NAA30: variants seen among roughly 807,000 people sequenced by gnomAD.
The protein encoded by NAA30 is N-alpha-acetyltransferase 30.
A neutral mutation model predicts 31.4 loss-of-function variants in NAA30; 5 were observed. The ratio of observed to expected loss-of-function variants is 0.16; its 90% CI spans 0.08 to 0.33. The LOEUF (loss-of-function observed/expected upper bound fraction) is 0.33. NAA30 is among the 10% of genes least tolerant of loss of function. The probability of loss-of-function intolerance (pLI) is 1.00; values close to 1 mark genes in which losing one functional copy is unlikely to be tolerated. For missense variants in NAA30, 428 were observed against 490.8 expected (o/e 0.87, Z 1.21); for synonymous variants, 222 against 207.1 (o/e 1.07, Z -0.62).
rs777683553 is a variant in NAA30 at position 57,390,938 on chromosome 14, C to T, written c.-1-19C>T. The T allele has an allele frequency of 1.9e-5, 28 of 1,463,076 alleles. No individual in the cohort carries two copies. The highest frequency in any genetic ancestry group is 2.4e-5 in the Non-Finnish European group (27 of 1,112,274). The allele number at this position is 1,463,076 out of a possible 1,614,324, so 90.6% of individuals were successfully genotyped here. ...GGCCGGGTTTCATGGCCTCCCCTCT[C>T]GGTCTGTGTCGCTTCTAGGATGGCG... On this transcript the variant is annotated intron_variant, in intron 1 of 4. Coordinates refer to ENST00000556492, the MANE Select transcript of NAA30 (RefSeq NM_001011713.3).
In NAA30 at chr14:57,413,317, TTTACA is replaced by T. The variant is rs1287195174; in HGVS notation, c.*3805_*3809del. ...TTACTTTTATCATGCATGCCAAATC[TTTACA>T]TTATTCTTTAGAGTAATACTGTAAA... On this transcript the variant is annotated 3_prime_UTR_variant, in exon 5 of 5. Coordinates refer to ENST00000556492, the MANE Select transcript of NAA30 (RefSeq NM_001011713.3). The T allele has an allele frequency of 6.6e-6, 1 of 152,220 alleles. No homozygotes were observed. The highest frequency in any genetic ancestry group is 2.4e-5 in the African/African-American group (1 of 41,464). The allele number at this position is 152,220 out of a possible 1,614,324, so 9.4% of individuals were successfully genotyped here.
At chr14:57,393,223 C>T (rs1224459923) in intron 2 of NAA30, among the ~76,000 whole-genome samples, 1 of 152,132 alleles carries the variant, frequency 6.6e-6, no homozygotes, top group East Asian at 1.9e-4. Flanking sequence ...CTGATAGTTA[C>T]CTAAGCCTCT....
At chr14:57,397,018 T>C in intron 3 of NAA30, 143 bp downstream of exon 3, 4 of 791,604 alleles carry the variant, frequency 5.1e-6, no homozygotes, top group Middle Eastern at 4.0e-4. Context: ...ATTTTTAATT[T>C]CAAAATGGTA....
intron 4 of NAA30, among the ~76,000 whole-genome samples, chr14:57,406,116 AAG>A (rs2066497213): frequency 6.6e-6 from 1 of 152,226 alleles, no homozygotes; most frequent in South Asian, 2.1e-4. Context: ...TTTCTAAAGA[AAG>A]AATCTCTTTG....
intron 1 of NAA30, 71 bp from the exon 2 acceptor site, chr14:57,390,886 C>T (rs1353742322): frequency 2.2e-5 from 32 of 1,425,836 alleles, no homozygotes; most frequent in Non-Finnish European, 2.8e-5. Context: ...GCCCCCCATC[C>T]GTCGCCCCCT....
rs150763315 is a variant in NAA30, at chr14:57,408,206, T to TC, written c.952-1166dup. ...CTTTGTTTAATTATACTTTGCCATTTCCCCCCCACCCACTCCAAACACTTG... is the reference window on the plus strand; with the variant it reads ...CTTTGTTTAATTATACTTTGCCATTTCCCCCCCCACCCACTCCAAACACTTG... On this transcript the variant is annotated intron_variant, in intron 4 of 4. Transcript: ENST00000556492. Among the ~76,000 whole-genome samples the TC allele has an allele frequency of 7.9e-3, 1,202 of 151,916 alleles. 15 individuals carry two copies. The highest frequency in any genetic ancestry group is 0.028 in the African/African-American group (1,146 of 41,426).
Position 57,403,206 on chromosome 14 carries a change from C to T in NAA30, c.951+3323C>T, listed in dbSNP as rs76361142. On this transcript the variant is annotated intron_variant, in intron 4 of 4. Transcript: ENST00000556492. The stretch of plus-strand genomic sequence containing the variant: ...AGAAAGAGATACATTTGGAAATCTC[C>T]GTGAAACCTTACTGTGCTCCGTGGC... Among the ~76,000 whole-genome samples the T allele has an allele frequency of 2.1e-3, 302 of 145,150 alleles. 1 individual carries two copies. Among genetic ancestry groups the T allele is most frequent in the African/African-American group, 6.9e-3 (271 of 39,562 alleles).
rs920440025 is a variant in NAA30, at chr14:57,396,841, A to G, written c.861A>G (p.Leu287=). Residue 287 remains leucine, a synonymous_variant, in exon 3 of 5, where the codon TTA becomes TTG. Transcript: ENST00000556492. ...KMFRRGYIAM[L]AVDSKYRRNG... The stretch of plus-strand genomic sequence containing the variant: ...TCCGCAGAGGTTATATAGCCATGTT[A>G]GCCGTGGATTCCAAATACAGGAGAA... The G allele has an allele frequency of 2.5e-6, 4 of 1,614,156 alleles. No homozygotes were observed. The highest frequency in any genetic ancestry group is 2.2e-5 in the East Asian group (1 of 44,876).
chr14:57,396,517 A>G (rs2066451085), intron 2 of NAA30, among the ~76,000 whole-genome samples: 1 of 152,090 alleles, frequency 6.6e-6, no homozygotes, highest in Non-Finnish European at 1.5e-5. Flanking sequence ...CTAGGCTTTA[A>G]TAGTAAGCAT....
At chr14:57,403,095 C>G (rs567344902) in intron 4 of NAA30, among the ~76,000 whole-genome samples, 2 of 152,122 alleles carry the variant, frequency 1.3e-5, no homozygotes, top group African/African-American at 4.8e-5. Flanking sequence ...GCAGGAGAAT[C>G]GCTTGAACCC....
intron 2 of NAA30, among the ~76,000 whole-genome samples, chr14:57,394,199 T>G (rs1363589759): frequency 1.3e-5 from 2 of 152,078 alleles, no homozygotes; most frequent in African/African-American, 4.8e-5. Context: ...CATAGTAACA[T>G]TTTCAGTTGT....
chr14:57,391,090 G>A lies in NAA30; in HGVS notation c.133G>A (p.Asp45Asn). ...LACCSEDEED[D>N]EEHEGGGSRS... is the part of the protein sequence containing the mutation. ...CTGCTGCAGCGAGGACGAGGAGGAC[G>A]ACGAAGAGCACGAAGGCGGCGGCAG... Residue 45 changes from aspartate (D) to asparagine (N), a missense_variant, in exon 2 of 5, where the codon GAC becomes AAC. This residue lies in a region of NAA30 where 349 missense variants were observed against 310.4 expected (regional missense o/e 1.12). Transcript: ENST00000556492. The surrounding 1 kb of genome is among the most constrained non-coding windows in gnomAD (Gnocchi z 4.1). The A allele has an allele frequency of 6.4e-7, 1 of 1,558,942 alleles. No homozygotes were observed.
intron 2 of NAA30, among the ~76,000 whole-genome samples, chr14:57,393,923 T>A (rs984113477): frequency 2.6e-5 from 4 of 152,140 alleles, no homozygotes; most frequent in Admixed American, 6.5e-5. Flanking sequence ...GTCACCAAGT[T>A]ATCTTCACCA....
rs138423251 is a variant in NAA30 at position 57,396,390 on chromosome 14, A to G, written c.772-362A>G. The stretch of plus-strand genomic sequence containing the variant: ...TTCTTTATAATCATTTTTTTTTTGC[A>G]TATTTCCCCTTCCAGAACCTTAGGT... On this transcript the variant is annotated intron_variant, in intron 2 of 4. Transcript: ENST00000556492. Among the ~76,000 whole-genome samples, 357 of 134,662 alleles carry G rather than the reference A, an allele frequency of 2.7e-3. 8 individuals carry two copies. In the East Asian group the frequency reaches 0.066, roughly 25 times the overall value. The allele number at this position is 134,662 out of a possible 152,430, so 88.3% of individuals were successfully genotyped here.
intron 2 of NAA30, among the ~76,000 whole-genome samples, chr14:57,393,456 A>G: frequency 6.6e-6 from 1 of 152,174 alleles, no homozygotes; most frequent in East Asian, 1.9e-4. Context: ...ACAATAATAA[A>G]ACAGTAAAAA....
chr14:57,390,664 A>AGGAAGAGGAGTGGCGGC lies in NAA30; in HGVS notation c.-42_-26dup. On this transcript the variant is annotated 5_prime_UTR_variant, in exon 1 of 5. Coordinates refer to ENST00000556492, the MANE Select transcript of NAA30 (RefSeq NM_001011713.3). ...GCGAAGGAGGCGGCGGCGGTGGCGG[A>AGGAAGAGGAGTGGCGGC]GGAAGAGGAGTGGCGGCAGCGGCGG... 1 of 347,656 alleles carries AGGAAGAGGAGTGGCGGC rather than the reference A, an allele frequency of 2.9e-6. No individual in the cohort carries two copies. The highest frequency in any genetic ancestry group is 5.2e-6 in the Non-Finnish European group (1 of 193,874). The allele number at this position is 347,656 out of a possible 1,614,324, so 21.5% of individuals were successfully genotyped here. A position where few individuals can be genotyped will look rare whatever the true frequency, so the allele number is the denominator to read the frequency against.
In NAA30 at chr14:57,390,944, G is replaced by A. The variant is rs577609359; in HGVS notation, c.-1-13G>A. ...GTTTCATGGCCTCCCCTCTCGGTCT[G>A]TGTCGCTTCTAGGATGGCGGAGGTA... is the stretch of plus-strand genomic sequence containing the variant. On this transcript the variant is annotated splice_polypyrimidine_tract_variant and intron_variant, in intron 1 of 4. Coordinates refer to ENST00000556492, the MANE Select transcript of NAA30 (RefSeq NM_001011713.3). The A allele has an allele frequency of 8.6e-5, 127 of 1,470,520 alleles. 1 individual carries two copies. The South Asian group carries it at 1.8e-3, about 21-fold the overall frequency. 91.1% of individuals were successfully genotyped at this position (1,470,520 alleles called of 1,614,324 possible). A position where few individuals can be genotyped will look rare whatever the true frequency, so the allele number is the denominator to read the frequency against.
At chr14:57,401,168 T>C (rs1566550079) in intron 4 of NAA30, among the ~76,000 whole-genome samples, 1 of 152,238 alleles carries the variant, frequency 6.6e-6, no homozygotes. Flanking sequence ...ATTGCTTTTT[T>C]CTTTTAACAA....
chr14:57,396,803 C>T lies in NAA30; in HGVS notation c.823C>T (p.His275Tyr). ...VGAIVCKLDM[H>Y]KKMFRRGYIA... ...TGCCATCGTTTGCAAGTTGGATATG[C>T]ACAAAAAGATGTTCCGCAGAGGTTA... Residue 275 changes from histidine to tyrosine, a missense_variant, in exon 3 of 5, where the codon CAC (histidine) becomes TAC (tyrosine). His to Tyr is a moderately conservative substitution (Grantham distance 83, BLOSUM62 2). This residue lies in a region of NAA30 where 79 missense variants were observed against 180.3 expected (regional missense o/e 0.44). Transcript: ENST00000556492. 1 of 1,613,794 alleles carries T rather than the reference C, an allele frequency of 6.2e-7. No individual in the cohort carries two copies. Among genetic ancestry groups the T allele is most frequent in the Non-Finnish European group, 8.5e-7 (1 of 1,179,794 alleles).
Sources: gnomAD v4.1 joint callset for allele counts (sites outside exome capture counted in the v4.1 genomes callset) on GRCh38, gnomAD v4.1.1 for gene constraint, gnomAD v4.1.1 regional missense constraint, Gnocchi (gnomAD v3.1) non-coding constraint, MANE v1.5 for transcripts, NCBI Gene and HGNC (gene_info 2026-07-23, HGNC 2026-07-21) for gene names.